Variants in DSCAM observed in about 807,000 individuals in gnomAD.
DSCAM encodes the protein DS cell adhesion molecule, also known as cell adhesion molecule DSCAM.
In DSCAM, 47 loss-of-function variants were observed where a neutral mutation model predicts 217.7. The observed-to-expected ratio is 0.22, with a 90% CI of 0.17 to 0.28. DSCAM has a LOEUF of 0.28. Ranked by LOEUF, DSCAM falls within the 10% of genes least tolerant of loss-of-function variation. The pLI is 1.00. For synonymous variants in DSCAM, 1,056 were observed against 1,015.3 expected, an observed-to-expected ratio of 1.04 and a Z score of -0.76; for missense variants, 2,080 against 2,618.3, an observed-to-expected ratio of 0.79 and a Z score of 4.49.
rs2091251031 is a variant in DSCAM, at chr21:40,753,848, G to A, written c.44-45077C>T. ...ACGAATGAAGACAAAAATCTGAACC[G>A]CACCTGAAGTGGAGCTGGGCCTTGT... On this transcript the variant is annotated intron_variant, in intron 1 of 32. Coordinates refer to ENST00000400454, the MANE Select transcript of DSCAM (RefSeq NM_001389.5). Among the ~76,000 whole-genome samples, 3 of 152,150 alleles carry A rather than the reference G, an allele frequency of 2.0e-5. No homozygotes were observed. In the South Asian group the frequency reaches 6.2e-4, roughly 32 times the overall value.
chr21:40,493,873 A>AT lies in DSCAM; in HGVS notation c.509-124629_509-124628insA, dbSNP rs1380592882. On this transcript the variant is annotated intron_variant, in intron 3 of 32. Transcript: ENST00000400454. ...AGCAAAACTCCATCTCAAAAAAAAA[A>AT]AAAAAAATATATACATATATATACA... is the stretch of plus-strand genomic sequence containing the variant. Among the ~76,000 whole-genome samples the AT allele has an allele frequency of 4.6e-3, 626 of 137,174 alleles. 6 individuals are homozygous for AT. Among genetic ancestry groups the AT allele is most frequent in the African/African-American group, 0.016 (576 of 35,570 alleles). 90.0% of individuals were successfully genotyped at this position (137,174 alleles called of 152,430 possible).
At chr21:40,723,735 T>C (rs1384636573) in intron 1 of DSCAM, among the ~76,000 whole-genome samples, 1 of 152,214 alleles carries the variant, frequency 6.6e-6, no homozygotes, top group Non-Finnish European at 1.5e-5. Flanking sequence ...TCTACTATAA[T>C]CTAAATTCCA....
At chr21:40,467,738 G>T (rs2075856351) in intron 3 of DSCAM, among the ~76,000 whole-genome samples, 1 of 151,818 alleles carries the variant, frequency 6.6e-6, no homozygotes, top group Admixed American at 6.6e-5. Context: ...CACAAATATT[G>T]GGATTTTATA....
At position 40,565,168 on chromosome 21, in the gene DSCAM, T is replaced by C. The variant is rs549872131; in HGVS notation, c.508+127642A>G. ...TCCTCTCCAGCCAGACCTGCTCTGC[T>C]ACCCACCATGGCTACTGGGTGTCTA... On this transcript the variant is annotated intron_variant, in intron 3 of 32. Coordinates refer to ENST00000400454, the MANE Select transcript of DSCAM (RefSeq NM_001389.5). Among the ~76,000 whole-genome samples, 3 of 152,336 alleles carry C rather than the reference T, an allele frequency of 2.0e-5. No homozygotes were observed. The East Asian group carries it at 5.8e-4, about 29-fold the overall frequency.
At chr21:40,516,943 C>T (rs967186359) in intron 3 of DSCAM, among the ~76,000 whole-genome samples, 2 of 145,208 alleles carry the variant, frequency 1.4e-5, no homozygotes, top group Non-Finnish European at 3.0e-5. Flanking sequence ...TTTATATATA[C>T]ATATTCACCT....
chr21:40,489,352 C>A (rs757419310), intron 3 of DSCAM, among the ~76,000 whole-genome samples: 5 of 152,204 alleles, frequency 3.3e-5, no homozygotes, highest in Non-Finnish European at 5.9e-5. Context: ...GGGTCCCCTG[C>A]TGACTTTGAA....
At chr21:40,136,714 G>A (rs1460242582) in intron 18 of DSCAM, among the ~76,000 whole-genome samples, 1 of 152,112 alleles carries the variant, frequency 6.6e-6, no homozygotes, top group African/African-American at 2.4e-5. Flanking sequence ...AGAGTGCAGG[G>A]TGTCCACCTC....
intron 18 of DSCAM, among the ~76,000 whole-genome samples, chr21:40,138,322 T>A (rs530441523): frequency 1.4e-5 from 2 of 147,344 alleles, no homozygotes; most frequent in African/African-American, 5.0e-5. Flanking sequence ...GTATGGTGTA[T>A]GTGTGTGCTG....
chr21:40,178,437 CATT>C (rs2090757012), intron 15 of DSCAM, among the ~76,000 whole-genome samples: 1 of 152,144 alleles, frequency 6.6e-6, no homozygotes, highest in South Asian at 2.1e-4. Flanking sequence ...AGAGCAAAAA[CATT>C]ATTTTTAAAT....
rs1053677133 is a variant in DSCAM at position 40,554,076 on chromosome 21, C to T, written c.508+138734G>A. Among the ~76,000 whole-genome samples, 16 of 152,102 alleles carry T rather than the reference C, an allele frequency of 1.1e-4. No homozygotes were observed. The South Asian group carries it at 1.2e-3, about 12-fold the overall frequency. On this transcript the variant is annotated intron_variant, in intron 3 of 32. Transcript: ENST00000400454. ...CAGTGGCTATTTACAGATGTCATAA[C>T]GCTTACTACAACCTCAAACTCCTGG... is the stretch of plus-strand genomic sequence containing the variant.
chr21:40,773,700 G>A (rs891056431), intron 1 of DSCAM, among the ~76,000 whole-genome samples: 1 of 152,212 alleles, frequency 6.6e-6, no homozygotes, highest in African/African-American at 2.4e-5. Flanking sequence ...TCCCTCTGAT[G>A]CCATAGAAAG....
At chr21:40,729,808 A>G (rs945966638) in intron 1 of DSCAM, among the ~76,000 whole-genome samples, 2 of 152,222 alleles carry the variant, frequency 1.3e-5, no homozygotes, top group Non-Finnish European at 2.9e-5. Context: ...GGCCAGATCC[A>G]TGGTGAAAAT....
intron 3 of DSCAM, among the ~76,000 whole-genome samples, chr21:40,415,416 T>C (rs1056071283): frequency 5.3e-5 from 8 of 152,214 alleles, no homozygotes; most frequent in Non-Finnish European, 7.3e-5. Flanking sequence ...TACTGAGTTA[T>C]AGATGTATTT....
At chr21:40,261,139 A>G (rs998328770) in intron 11 of DSCAM, among the ~76,000 whole-genome samples, 8 of 152,196 alleles carry the variant, frequency 5.3e-5, no homozygotes, top group African/African-American at 1.9e-4. Context: ...TTCTTTACCC[A>G]TAACAGCATT....
chr21:40,256,231 C>G (rs577960425), intron 11 of DSCAM, among the ~76,000 whole-genome samples: 1 of 152,078 alleles, frequency 6.6e-6, no homozygotes, highest in African/African-American at 2.4e-5. Context: ...AATATGCACA[C>G]GTTAATATGT....
chr21:40,565,594 T>A (rs2076758255), intron 3 of DSCAM, among the ~76,000 whole-genome samples: 1 of 152,168 alleles, frequency 6.6e-6, no homozygotes, highest in Non-Finnish European at 1.5e-5. Context: ...CTAAATAGCT[T>A]CTGAATTATC....
At chr21:40,160,361 C>T (rs2090526999) in intron 16 of DSCAM, among the ~76,000 whole-genome samples, 1 of 152,106 alleles carries the variant, frequency 6.6e-6, no homozygotes, top group East Asian at 1.9e-4. Context: ...ATATAATTTA[C>T]TTGTTGGAAA....
At chr21:40,451,034 G>T (rs913804979) in intron 3 of DSCAM, among the ~76,000 whole-genome samples, 1 of 152,156 alleles carries the variant, frequency 6.6e-6, no homozygotes, top group African/African-American at 2.4e-5. Flanking sequence ...TCCTTCAAGG[G>T]CAGGCCTACA....
intron 11 of DSCAM, among the ~76,000 whole-genome samples, chr21:40,202,842 T>C (rs1254432300): frequency 6.6e-6 from 1 of 152,244 alleles, no homozygotes; most frequent in East Asian, 1.9e-4. Context: ...GTGATGCCCA[T>C]ATGGTTTTTT....
Sources: allele counts gnomAD v4.1 joint callset (sites outside exome capture counted in the v4.1 genomes callset), GRCh38; gene constraint gnomAD v4.1.1; transcripts MANE v1.5; gene names NCBI Gene and HGNC (gene_info 2026-07-23, HGNC 2026-07-21).